The following CTPS1 variants were observed in gnomAD, a reference collection of about 807,000 sequenced individuals.
The protein encoded by CTPS1 is CTP synthetase 1.
In CTPS1, 25 loss-of-function variants were observed where a neutral mutation model predicts 80.5. The observed-to-expected ratio is 0.31, with a 90% CI of 0.23 to 0.43. The LOEUF (loss-of-function observed/expected upper bound fraction) is 0.43. Among genes scored for constraint, CTPS1 ranks in the 20% least tolerant of loss-of-function variants. CTPS1 has a pLI of 1.00. For synonymous variants in CTPS1, 267 were observed against 252.5 expected, an observed-to-expected ratio of 1.06 and a Z score of -0.54; for missense variants, 442 against 725.7, an observed-to-expected ratio of 0.61 and a Z score of 4.49.
intron 7 of CTPS1, among the ~76,000 whole-genome samples, chr1:40,992,065 G>A (rs554784901): frequency 3.9e-5 from 6 of 152,274 alleles, no homozygotes; most frequent in Admixed American, 2.0e-4. Context: ...TTGTGCTTCA[G>A]CCGGGTGGAG....
chr1:40,987,488 G>T lies in CTPS1; in HGVS notation c.438+16G>T, dbSNP rs2148392144. On this transcript the variant is annotated intron_variant, in intron 4 of 18. Coordinates refer to ENST00000650070, the MANE Select transcript of CTPS1 (RefSeq NM_001905.4). ...TGTTATTGAGGTTTGTATGATTCCTGCACATGTGAACAAGTGTACTCATCT... is the reference window on the plus strand; with the variant it reads ...TGTTATTGAGGTTTGTATGATTCCTTCACATGTGAACAAGTGTACTCATCT... The T allele has an allele frequency of 6.5e-7, 1 of 1,549,998 alleles. No individual in the cohort carries two copies. The highest frequency in any genetic ancestry group is 1.1e-5 in the South Asian group (1 of 89,024).
rs1190895681 is a variant in CTPS1, at chr1:41,009,324, A to G, written c.1547-121A>G. ...GGTTCCCTTTATCTAGATTCAAATG[A>G]GAAAGTCATTTTCAAATTATTTTAG... On this transcript the variant is annotated intron_variant, in intron 16 of 18. Coordinates refer to ENST00000650070, the MANE Select transcript of CTPS1 (RefSeq NM_001905.4). 3.8e-6 allele frequency: 4 copies of G among 1,044,526 alleles called. No individual in the cohort carries two copies. In the African/African-American group the frequency reaches 6.5e-5, roughly 17 times the overall value. The allele number at this position is 1,044,526 out of a possible 1,614,324, so 64.7% of individuals were successfully genotyped here.
chr1:40,990,401 C>T (rs934242772), intron 5 of CTPS1, among the ~76,000 whole-genome samples: 4 of 152,164 alleles, frequency 2.6e-5, no homozygotes, highest in African/African-American at 9.7e-5. Flanking sequence ...TTCTAAAAGG[C>T]TCTGAAGAGA....
chr1:40,990,349 C>T (rs1251083751), intron 5 of CTPS1, among the ~76,000 whole-genome samples: 1 of 152,162 alleles, frequency 6.6e-6, no homozygotes, highest in Non-Finnish European at 1.5e-5. Flanking sequence ...TGACCTACAC[C>T]AAGGCATATT....
At chr1:40,991,485 C>A (rs1238524051) in intron 6 of CTPS1, among the ~76,000 whole-genome samples, 1 of 152,132 alleles carries the variant, frequency 6.6e-6, no homozygotes, top group Non-Finnish European at 1.5e-5. Flanking sequence ...CTCATTTTTA[C>A]TCCTACTTGG....
At chr1:40,995,661 A>AGTACTAG (rs752818917) in intron 7 of CTPS1, among the ~76,000 whole-genome samples, 1 of 152,142 alleles carries the variant, frequency 6.6e-6, no homozygotes, top group Non-Finnish European at 1.5e-5. Flanking sequence ...GGCCTCCCAA[A>AGTACTAG]GTACTAGGAT....
chr1:40,990,358 T>C (rs760145220), intron 5 of CTPS1, among the ~76,000 whole-genome samples: 11 of 152,164 alleles, frequency 7.2e-5, no homozygotes, highest in Admixed American at 1.3e-4. Context: ...CCAAGGCATA[T>C]TATTGTGAAG....
intron 9 of CTPS1, among the ~76,000 whole-genome samples, chr1:40,998,178 C>T (rs780044711): frequency 6.6e-6 from 1 of 152,072 alleles, no homozygotes; most frequent in Non-Finnish European, 1.5e-5. Context: ...GTGGGCAGAT[C>T]ACGAGGTCAG....
At chr1:40,992,545 A>C (rs74503225) in intron 7 of CTPS1, among the ~76,000 whole-genome samples, 4 of 152,092 alleles carry the variant, frequency 2.6e-5, no homozygotes, top group Non-Finnish European at 5.9e-5. Flanking sequence ...TAATGTATCT[A>C]AGTGTGGTGC....
intron 12 of CTPS1, chr1:41,003,979 A>T (rs1435978060): frequency 6.6e-6 from 1 of 152,240 alleles, no homozygotes; most frequent in Non-Finnish European, 1.5e-5. Context: ...TTCCTCACAC[A>T]GGGTGGGCAG....
At chr1:40,999,860 A>T (rs1221533967) in intron 9 of CTPS1, among the ~76,000 whole-genome samples, 1 of 152,192 alleles carries the variant, frequency 6.6e-6, no homozygotes, top group African/African-American at 2.4e-5. Context: ...AAAGGAAGAA[A>T]CCAGGCTGAA....
intron 9 of CTPS1, 46 bp from the exon 10 acceptor site, chr1:41,000,983 C>T: frequency 1.5e-6 from 2 of 1,344,214 alleles, no homozygotes; most frequent in Non-Finnish European, 2.1e-6. Flanking sequence ...AACGCACAGC[C>T]TGGGGTCACG....
chr1:41,003,430 C>G lies in CTPS1; in HGVS notation c.1252+254C>G, dbSNP rs575169449. Among the ~76,000 whole-genome samples, 5 of 152,286 alleles carry G rather than the reference C, an allele frequency of 3.3e-5. No individual in the cohort carries two copies. The South Asian group carries it at 6.2e-4, about 19-fold the overall frequency. ...TGTTCCTGTTCTTGAGATTCTGTCACTTTGATCACCGTGGCCACCATCCTG... is the reference window on the plus strand; with the variant it reads ...TGTTCCTGTTCTTGAGATTCTGTCAGTTTGATCACCGTGGCCACCATCCTG... On this transcript the variant is annotated intron_variant, in intron 12 of 18. Transcript: ENST00000650070.
At chr1:41,000,863 A>G (rs1406679987) in intron 9 of CTPS1, 166 bp from the exon 10 acceptor site, 1 of 374,514 alleles carries the variant, frequency 2.7e-6, no homozygotes, top group Non-Finnish European at 4.8e-6. Context: ...TGTTTAAGTT[A>G]TTAAATATAT....
rs143501578 is a variant in CTPS1, at chr1:41,007,779, G to T, written c.1393+234G>T. Reference sequence around the variant, plus strand: ...AGTGCAGTCAGACTCCTAGGCATGGGCGCCTCAACAGAATGAGGCAGTGAG... The same window carrying T: ...AGTGCAGTCAGACTCCTAGGCATGGTCGCCTCAACAGAATGAGGCAGTGAG... On this transcript the variant is annotated intron_variant, in intron 14 of 18. Transcript: ENST00000650070. The surrounding 1 kb of genome is among the most constrained non-coding windows in gnomAD (Gnocchi z 4.4). Among the ~76,000 whole-genome samples the T allele has an allele frequency of 6.6e-6, 1 of 152,278 alleles. No homozygotes were observed. Among genetic ancestry groups the T allele is most frequent in the African/African-American group, 2.4e-5 (1 of 41,540 alleles).
chr1:41,009,045 T>C (rs72663737), intron 16 of CTPS1, among the ~76,000 whole-genome samples, 155 bp downstream of exon 16: 16,978 of 152,270 alleles, frequency 0.11, 1,058 homozygotes, highest in South Asian at 0.19. Flanking sequence ...ACATGGGGTC[T>C]GGACTCTAGA....
intron 3 of CTPS1, among the ~76,000 whole-genome samples, chr1:40,986,846 A>G (rs1481166543): frequency 5.3e-5 from 8 of 152,212 alleles, no homozygotes; most frequent in Non-Finnish European, 8.8e-5. Context: ...CCAAAGATCC[A>G]CAGCTAACGA....
intron 9 of CTPS1, among the ~76,000 whole-genome samples, chr1:41,000,194 A>G (rs79426840): frequency 0.012 from 1,839 of 151,956 alleles, 44 homozygotes; most frequent in African/African-American, 0.042. Flanking sequence ...AGAGGGGCAC[A>G]TTCTGGGAAG....
intron 10 of CTPS1, 65 bp from the exon 11 acceptor site, chr1:41,002,095 G>A: frequency 7.0e-7 from 1 of 1,430,108 alleles, no homozygotes; most frequent in Non-Finnish European, 9.9e-7. Context: ...GGCCCGTTAG[G>A]CGATTATTGC....
Sources: allele counts gnomAD v4.1 joint callset (sites outside exome capture counted in the v4.1 genomes callset), GRCh38; gene constraint gnomAD v4.1.1; non-coding constraint Gnocchi (gnomAD v3.1); transcripts MANE v1.5; gene names NCBI Gene and HGNC (gene_info 2026-07-23, HGNC 2026-07-21).